HEG1: variants seen among roughly 807,000 people sequenced by gnomAD.
HEG1 encodes heart development protein with EGF like domains 1, also known as protein HEG homolog 1.
HEG1 carries 56 observed loss-of-function variants against 125.6 expected under a neutral mutation model. That is an observed-to-expected ratio of 0.45 (90% CI 0.36 to 0.56). HEG1 has a LOEUF of 0.56. Ranked by LOEUF, HEG1 falls within the 20% of genes least tolerant of loss-of-function variation. The pLI is 0.00. For missense variants in HEG1, 1,523 were observed against 1,670.0 expected, an observed-to-expected ratio of 0.91 and a Z score of 1.53; for synonymous variants, 644 against 668.5, an observed-to-expected ratio of 0.96 and a Z score of 0.57.
chr3:125,012,109 G>C (rs561471390), intron 6 of HEG1, among the ~76,000 whole-genome samples: 1 of 152,296 alleles, frequency 6.6e-6, no homozygotes, highest in South Asian at 2.1e-4. Flanking sequence ...GGCTTCCCTG[G>C]ATCAAGAGAA....
intron 14 of HEG1, among the ~76,000 whole-genome samples, chr3:124,987,522 T>C (rs1936756243): frequency 6.6e-6 from 1 of 151,152 alleles, no homozygotes; most frequent in African/African-American, 2.4e-5. Flanking sequence ...TTTCTTTTTT[T>C]CTTTTTTTTT....
At chr3:125,037,966 T>C (rs1180443839) in intron 1 of HEG1, among the ~76,000 whole-genome samples, 1 of 152,234 alleles carries the variant, frequency 6.6e-6, no homozygotes, top group African/African-American at 2.4e-5. Flanking sequence ...CAATGGAATG[T>C]AGACATGTAA....
intron 1 of HEG1, among the ~76,000 whole-genome samples, chr3:125,051,998 C>T (rs1937816563): frequency 6.6e-6 from 1 of 152,196 alleles, no homozygotes; most frequent in Admixed American, 6.5e-5. Context: ...TCAGTCCACA[C>T]CATTCGGGTC....
At chr3:125,021,658 C>T (rs1006824314) in intron 3 of HEG1, among the ~76,000 whole-genome samples, 4 of 152,162 alleles carry the variant, frequency 2.6e-5, no homozygotes, top group African/African-American at 9.7e-5. Flanking sequence ...ACACTCATGG[C>T]CTAGAGCAGT....
chr3:124,967,387 T>C lies in HEG1; in HGVS notation c.*3265A>G, dbSNP rs199504249. ...TGAGCACAAGCCAGCCACTATTTTC[T>C]TAATGACAAGTGTCTAAGAATTACA... On this transcript the variant is annotated 3_prime_UTR_variant, in exon 17 of 17. Transcript: ENST00000311127. 14 of 151,990 alleles carry C rather than the reference T, an allele frequency of 9.2e-5. No individual in the cohort carries two copies. In the East Asian group the frequency reaches 2.7e-3, roughly 29 times the overall value. 9.4% of individuals were successfully genotyped at this position (151,990 alleles called of 1,614,324 possible).
intron 14 of HEG1, among the ~76,000 whole-genome samples, chr3:124,987,849 G>A (rs1289575348): frequency 6.7e-6 from 1 of 149,532 alleles, no homozygotes; most frequent in Non-Finnish European, 1.5e-5. Flanking sequence ...AATATCTTAG[G>A]ATCAGGTCCG....
In HEG1 at chr3:125,013,908, CA is replaced by C; in HGVS notation, c.1670del (p.Leu557ArgfsTer146). 6.2e-7 allele frequency: 1 copy of C among 1,613,606 alleles called. No individual in the cohort carries two copies. Among genetic ancestry groups the C allele is most frequent in the Non-Finnish European group, 8.5e-7 (1 of 1,179,820 alleles). On this transcript the variant is annotated frameshift_variant, in exon 6 of 17. Transcript: ENST00000311127. LOFTEE classifies it high-confidence loss of function. ...GTTCTCCTTTGGTGAAAGTAGATGA[CA>C]GGTAGGTGTGGTCTGTGTGGTCGCT... ...TSSDHTDHTY[L>X]SSTFTKGERA...
Position 125,013,073 on chromosome 3 carries a change from C to T in HEG1, c.2506G>A (p.Ala836Thr), listed in dbSNP as rs776579128. The T allele has an allele frequency of 6.2e-7, 1 of 1,613,974 alleles. No homozygotes were observed. The highest frequency in any genetic ancestry group is 1.3e-5 in the African/African-American group (1 of 75,028). Residue 836 changes from alanine to threonine, a missense_variant, in exon 6 of 17, where the codon GCA becomes ACA. By Grantham distance (58) the Ala-to-Thr change is moderately conservative (BLOSUM62 0). Transcript: ENST00000311127. ...QTLPATSTNLAQMSPTFTTTI... is the reference protein window; with the variant it reads ...QTLPATSTNLTQMSPTFTTTI... ...GTTGTGAAAGTTGGAGACATTTGTG[C>T]TAAGTTGGTGCTTGTGGCTGGAAGG...
At chr3:125,029,173 C>A in intron 2 of HEG1, 22 bp downstream of exon 2, 1 of 1,601,890 alleles carries the variant, frequency 6.2e-7, no homozygotes. Flanking sequence ...GCGTGAAATG[C>A]GCATCATCAG....
chr3:125,029,644 C>T (rs564273774), intron 1 of HEG1, among the ~76,000 whole-genome samples, 156 bp from the exon 2 acceptor site: 10 of 152,322 alleles, frequency 6.6e-5, no homozygotes, highest in South Asian at 4.1e-4. Flanking sequence ...AATCCCAGCA[C>T]TTTGGGAGGC....
intron 3 of HEG1, among the ~76,000 whole-genome samples, chr3:125,024,215 A>G (rs925798177): frequency 8.5e-5 from 13 of 152,364 alleles, no homozygotes; most frequent in Middle Eastern, 3.4e-3. Flanking sequence ...GGCATTTTCC[A>G]TTATGATTCT....
rs1276617917 is a variant in HEG1 at position 125,027,192 on chromosome 3, A to T, written c.913+13T>A. 1.1e-5 allele frequency: 17 copies of T among 1,572,506 alleles called. No individual in the cohort carries two copies. Among genetic ancestry groups the T allele is most frequent in the Non-Finnish European group, 1.5e-5 (17 of 1,159,724 alleles). On this transcript the variant is annotated intron_variant, in intron 3 of 16. Transcript: ENST00000311127. Reference sequence around the variant, plus strand: ...GTGACTTCCGAGTGTTAAGCTGGGTATGTGGCACTCACATGAGGAAAGGTC... The same window carrying T: ...GTGACTTCCGAGTGTTAAGCTGGGTTTGTGGCACTCACATGAGGAAAGGTC...
In HEG1 at chr3:125,020,850, T is replaced by C; in HGVS notation, c.1194A>G (p.Glu398=). The change falls in exon 4 of 17, where the codon GAA becomes GAG. Residue 398 remains glutamate, a synonymous_variant. Coordinates refer to ENST00000311127, the MANE Select transcript of HEG1 (RefSeq NM_020733.2). ...GTCCAAATTCATTTTCTGTGGATGG[T>C]TCAATGAATTCCTCATCCCCTGGAT... is the stretch of plus-strand genomic sequence containing the variant. ...TGNPGDEEFI[E]PSTENEFGLT... The C allele has an allele frequency of 6.2e-7, 1 of 1,613,946 alleles. No homozygotes were observed. Among genetic ancestry groups the C allele is most frequent in the Non-Finnish European group, 8.5e-7 (1 of 1,179,858 alleles).
chr3:125,049,687 T>G (rs544413559), intron 1 of HEG1, among the ~76,000 whole-genome samples: 1 of 152,206 alleles, frequency 6.6e-6, no homozygotes, highest in African/African-American at 2.4e-5. Flanking sequence ...CCCTTGCATC[T>G]CTCCCTTTCA....
At chr3:124,977,694 C>G (rs1414210272) in intron 15 of HEG1, among the ~76,000 whole-genome samples, 165 bp downstream of exon 15, 1 of 152,188 alleles carries the variant, frequency 6.6e-6, no homozygotes, top group Non-Finnish European at 1.5e-5. Context: ...TCCTCACAGG[C>G]ACCAACTATC....
Position 125,010,464 on chromosome 3 carries a change from G to C in HEG1, c.3048C>G (p.Ser1016=), listed in dbSNP as rs1164677705. ...CCACACTGCAATCATCCCCTTGCCA[G>C]GAAGGCGGGCACCTGCAGTGGTAGC... ...SRGYHCRCPP[S]WQGDDCSVDV... Residue 1016 remains serine (S), a synonymous_variant, in exon 7 of 17, where the codon TCC becomes TCG. Transcript: ENST00000311127. The C allele has an allele frequency of 1.9e-6, 3 of 1,556,198 alleles. No homozygotes were observed. The highest frequency in any genetic ancestry group is 1.4e-5 in the African/African-American group (1 of 73,390).
Position 125,009,825 on chromosome 3 carries a change from C to A in HEG1, c.3074-1G>T. Reference sequence around the variant, plus strand: ...GGGTTCGACAGGCACTCATTCACATCTGTAGAGGAGAAAAAAGAAGAACAT... The same window carrying A: ...GGGTTCGACAGGCACTCATTCACATATGTAGAGGAGAAAAAAGAAGAACAT... On this transcript the variant is annotated splice_acceptor_variant, in intron 7 of 16. Coordinates refer to ENST00000311127, the MANE Select transcript of HEG1 (RefSeq NM_020733.2). LOFTEE classifies it high-confidence loss of function. 6.2e-7 allele frequency: 1 copy of A among 1,610,502 alleles called. No homozygotes were observed. Among genetic ancestry groups the A allele is most frequent in the Non-Finnish European group, 8.5e-7 (1 of 1,177,784 alleles).
intron 15 of HEG1, 141 bp from the exon 16 acceptor site, chr3:124,974,046 T>G: frequency 1.6e-6 from 1 of 612,010 alleles, no homozygotes. Context: ...GTAGTATTAT[T>G]ATTGTTGTTA....
chr3:124,972,895 C>G (rs1936470256), intron 16 of HEG1, among the ~76,000 whole-genome samples: 1 of 152,126 alleles, frequency 6.6e-6, no homozygotes, highest in African/African-American at 2.4e-5. Context: ...TAAAGGCCTA[C>G]TGAGTATACA....
Sources: gnomAD v4.1 joint callset for allele counts (sites outside exome capture counted in the v4.1 genomes callset) on GRCh38, gnomAD v4.1.1 for gene constraint, MANE v1.5 for transcripts, NCBI Gene and HGNC (gene_info 2026-07-23, HGNC 2026-07-21) for gene names.